Variants in COL4A5 observed in about 807,000 individuals in gnomAD.
The protein encoded by COL4A5 is collagen type IV alpha 5 chain.
A neutral mutation model predicts 130.2 loss-of-function variants in COL4A5; 26 were observed. The ratio of observed to expected loss-of-function variants is 0.20; its 90% confidence interval spans 0.15 to 0.28. The LOEUF is 0.28. Among genes scored for constraint, COL4A5 ranks in the 10% least tolerant of loss-of-function variants. The probability of loss-of-function intolerance (pLI) is 1.00; values close to 1 mark genes in which losing one functional copy is unlikely to be tolerated. For synonymous variants in COL4A5, 496 were observed against 439.6 expected (o/e 1.13, Z -1.60); for missense variants, 1,131 against 1,344.3 (o/e 0.84, Z 2.48).
At chrX:108,686,158 G>A in intron 48 of COL4A5, 29 bp downstream of exon 48, 1 of 1,132,004 alleles carries the variant, frequency 8.8e-7, no homozygotes, top group South Asian at 1.9e-5. Context: ...GCTGTTGGTG[G>A]AGGGAAAGTC....
chrX:108,478,596 C>T (rs185866669), intron 1 of COL4A5, among the ~76,000 whole-genome samples: 35 of 111,820 alleles, frequency 3.1e-4, no homozygotes, highest in South Asian at 7.6e-4. Context: ...GCCATTCCAC[C>T]GTTCTATCAA....
At chrX:108,450,483 A>G (rs899472411) in intron 1 of COL4A5, among the ~76,000 whole-genome samples, 3 of 112,039 alleles carry the variant, frequency 2.7e-5, no homozygotes, top group Non-Finnish European at 5.6e-5. Context: ...AAATGAGTAG[A>G]ATTAGCCTAC....
chrX:108,567,708 A>C (rs186194590), intron 4 of COL4A5, among the ~76,000 whole-genome samples: 1 of 111,802 alleles, frequency 8.9e-6, no homozygotes, highest in Admixed American at 9.5e-5. Flanking sequence ...GACATCATAC[A>C]TGGCAGCAGA....
chrX:108,519,703 T>G (rs971013891), intron 1 of COL4A5, among the ~76,000 whole-genome samples: 5 of 111,569 alleles, frequency 4.5e-5, no homozygotes, highest in Admixed American at 1.9e-4. Context: ...TAGTTTCTAA[T>G]TACATTTCTT....
chrX:108,617,940 A>T (rs1469139820), intron 30 of COL4A5, among the ~76,000 whole-genome samples: 5 of 112,275 alleles, frequency 4.5e-5, no homozygotes, highest in Admixed American at 3.8e-4. Context: ...TAGATGAAGG[A>T]GAAAATAGTT....
chrX:108,679,737 G>A (rs1475957157), intron 44 of COL4A5, among the ~76,000 whole-genome samples: 1 of 105,469 alleles, frequency 9.5e-6, no homozygotes, highest in East Asian at 2.9e-4. Flanking sequence ...GGCTGAGGGG[G>A]GATGATTGTT....
At chrX:108,653,539 CAT>C (rs1442480566) in intron 36 of COL4A5, among the ~76,000 whole-genome samples, 8 of 111,179 alleles carry the variant, frequency 7.2e-5, no homozygotes, top group African/African-American at 2.0e-4. Flanking sequence ...CAATTAAAAA[CAT>C]AAATTATTTA....
chrX:108,473,633 A>ATTTT (rs1203616884), intron 1 of COL4A5, among the ~76,000 whole-genome samples: 98 of 34,462 alleles, frequency 2.8e-3, no homozygotes, highest in Non-Finnish European at 4.3e-3. Context: ...ATATATATAT[A>ATTTT]TTTTTTTTTT....
rs104886051 is a variant in COL4A5, at chrX:108,571,416, G to A, written c.388G>A (p.Glu130Lys). ...GIPGCNGTKGERGFPGSPGFP... is the reference protein window; with the variant it reads ...GIPGCNGTKGKRGFPGSPGFP... The stretch of plus-strand genomic sequence containing the variant: ...CTTTATTTTTAACTCCTTCTAGGGA[G>A]AACGTGGATTTCCAGGCAGTCCCGG... Residue 130 changes from glutamate (E) to lysine (K), a missense_variant, in exon 7 of 53, where the codon GAA becomes AAA. Transcript: ENST00000328300. The A allele has an allele frequency of 8.3e-7, 1 of 1,198,325 alleles. No homozygotes were observed. Among genetic ancestry groups the A allele is most frequent in the Non-Finnish European group, 1.1e-6 (1 of 884,144 alleles).
chrX:108,553,175 G>A, intron 2 of COL4A5, among the ~76,000 whole-genome samples: 1 of 111,487 alleles, frequency 9.0e-6, no homozygotes, highest in East Asian at 2.8e-4. Context: ...TTTGGGTTAG[G>A]CAGATATTTC....
intron 2 of COL4A5, among the ~76,000 whole-genome samples, chrX:108,546,269 G>C (rs1243314221): frequency 8.9e-6 from 1 of 111,865 alleles, no homozygotes; most frequent in Non-Finnish European, 1.9e-5. Context: ...TCCATGTTTA[G>C]TGCTTCCTTC....
intron 36 of COL4A5, among the ~76,000 whole-genome samples, chrX:108,633,053 G>A (rs2067294126): frequency 9.0e-6 from 1 of 111,612 alleles, no homozygotes; most frequent in African/African-American, 3.3e-5. Flanking sequence ...CCTGTTTGCA[G>A]ATGACATGAT....
chrX:108,595,476 A>G, intron 21 of COL4A5, 33 bp from the exon 22 acceptor site: 1 of 1,167,433 alleles, frequency 8.6e-7, no homozygotes, highest in Non-Finnish European at 1.2e-6. Context: ...TACCCCTTTC[A>G]GTAAAATTTG....
chrX:108,557,836 C>T (rs1235622959), intron 2 of COL4A5, among the ~76,000 whole-genome samples: 1 of 110,583 alleles, frequency 9.0e-6, no homozygotes, highest in Non-Finnish European at 1.9e-5. Context: ...TGACCAGAGG[C>T]AGCCTTCGAG....
intron 43 of COL4A5, among the ~76,000 whole-genome samples, chrX:108,676,118 A>G (rs1032222216): frequency 1.8e-5 from 2 of 112,133 alleles, no homozygotes; most frequent in African/African-American, 6.5e-5. Context: ...AAAGGGAACT[A>G]AAGTCTGAAT....
At chrX:108,473,804 G>A (rs1467415438) in intron 1 of COL4A5, among the ~76,000 whole-genome samples, 1 of 103,931 alleles carries the variant, frequency 9.6e-6, no homozygotes, top group African/African-American at 3.5e-5. Context: ...GGTAATTTTT[G>A]TATTTTTAGT....
At chrX:108,658,619 T>C (rs1429195117) in intron 37 of COL4A5, among the ~76,000 whole-genome samples, 1 of 111,635 alleles carries the variant, frequency 9.0e-6, no homozygotes, top group Non-Finnish European at 1.9e-5. Context: ...GATTTATTTT[T>C]ATGTCAGTTT....
At chrX:108,538,652 GA>G (rs2065489794) in intron 1 of COL4A5, among the ~76,000 whole-genome samples, 1 of 111,689 alleles carries the variant, frequency 9.0e-6, no homozygotes, top group African/African-American at 3.3e-5. Flanking sequence ...CCTCAAGATT[GA>G]TGGGCATTAT....
chrX:108,479,139 C>A (rs1467784400), intron 1 of COL4A5, among the ~76,000 whole-genome samples: 1 of 112,288 alleles, frequency 8.9e-6, no homozygotes, highest in Non-Finnish European at 1.9e-5. Flanking sequence ...TCATTCTATC[C>A]ATTTGATTAT....
Sources: gnomAD v4.1 joint callset for allele counts (sites outside exome capture counted in the v4.1 genomes callset) on GRCh38, gnomAD v4.1.1 for gene constraint, MANE v1.5 for transcripts, NCBI Gene and HGNC (gene_info 2026-07-23, HGNC 2026-07-21) for gene names.